LRRC4C: variants seen among roughly 807,000 people sequenced by gnomAD.
LRRC4C encodes the protein leucine-rich repeat-containing protein 4C.
LRRC4C carries 5 observed loss-of-function variants against 33.6 expected under a neutral mutation model. That is an observed-to-expected ratio of 0.15 (90% CI 0.08 to 0.31). The LOEUF (loss-of-function observed/expected upper bound fraction) is 0.31, where lower values mean the gene tolerates loss of function less well. Ranked by LOEUF, LRRC4C falls within the 10% of genes least tolerant of loss-of-function variation. LRRC4C has a pLI of 1.00. For synonymous variants in LRRC4C, 329 were observed against 302.0 expected, an observed-to-expected ratio of 1.09 and a Z score of -0.93; for missense variants, 560 against 796.7, an observed-to-expected ratio of 0.70 and a Z score of 3.58.
intron 1 of LRRC4C, among the ~76,000 whole-genome samples, chr11:41,333,655 G>A (rs1951363391): frequency 6.6e-6 from 1 of 152,118 alleles, no homozygotes; most frequent in Non-Finnish European, 1.5e-5. Flanking sequence ...AAGCAAGTGA[G>A]CTAAATGGCC....
chr11:40,765,752 A>C (rs1949419826), intron 2 of LRRC4C, among the ~76,000 whole-genome samples: 1 of 151,970 alleles, frequency 6.6e-6, no homozygotes, highest in African/African-American at 2.4e-5. Flanking sequence ...GCTGATCTTG[A>C]ATACAAGCCA....
intron 1 of LRRC4C, among the ~76,000 whole-genome samples, chr11:41,384,520 A>G (rs989416697): frequency 6.6e-6 from 1 of 151,476 alleles, no homozygotes; most frequent in African/African-American, 2.4e-5. Flanking sequence ...CATGCCAACA[A>G]GTTTGTCATT....
chr11:40,750,075 C>A (rs919487499), intron 2 of LRRC4C, among the ~76,000 whole-genome samples: 3 of 151,762 alleles, frequency 2.0e-5, no homozygotes, highest in African/African-American at 7.3e-5. Context: ...ACAAAAACTA[C>A]CTAGGCAGTA....
intron 2 of LRRC4C, among the ~76,000 whole-genome samples, chr11:40,814,758 A>G (rs2135414796): frequency 6.6e-6 from 1 of 152,074 alleles, no homozygotes; most frequent in South Asian, 2.1e-4. Context: ...TCTCTAGGGC[A>G]GGGGCAAAAT....
At chr11:41,054,913 G>A (rs1010287080) in intron 1 of LRRC4C, among the ~76,000 whole-genome samples, 2 of 152,094 alleles carry the variant, frequency 1.3e-5, no homozygotes, top group Non-Finnish European at 2.9e-5. Flanking sequence ...TCAGTTTTCT[G>A]TACACCGACT....
Position 40,121,786 on chromosome 11 carries a change from G to A in LRRC4C, c.-42-5452C>T, listed in dbSNP as rs77539856. Reference sequence around the variant, plus strand: ...TCATTGCTAAGTCATCATAGGCTTTGTCTAAACGTTAGAACTAGTTTGTAA... The same window carrying A: ...TCATTGCTAAGTCATCATAGGCTTTATCTAAACGTTAGAACTAGTTTGTAA... On this transcript the variant is annotated intron_variant, in intron 6 of 6. Transcript: ENST00000528697. Among the ~76,000 whole-genome samples, 118 of 152,304 alleles carry A rather than the reference G, an allele frequency of 7.7e-4. 1 individual carries two copies. Among genetic ancestry groups the A allele is most frequent in the African/African-American group, 2.7e-3 (114 of 41,570 alleles).
intron 2 of LRRC4C, among the ~76,000 whole-genome samples, chr11:40,912,841 G>C (rs967159971): frequency 6.6e-6 from 1 of 152,114 alleles, no homozygotes; most frequent in Non-Finnish European, 1.5e-5. Context: ...AAAATAAAGG[G>C]ATGGAGGAAG....
chr11:40,673,938 T>C (rs1452944603), intron 2 of LRRC4C, among the ~76,000 whole-genome samples: 1 of 152,170 alleles, frequency 6.6e-6, no homozygotes, highest in Non-Finnish European at 1.5e-5. Context: ...TCATGAACCA[T>C]CGCTTTCTTG....
intron 2 of LRRC4C, among the ~76,000 whole-genome samples, chr11:40,710,823 G>C (rs970961599): frequency 5.3e-5 from 8 of 152,214 alleles, no homozygotes; most frequent in African/African-American, 1.9e-4. Context: ...TACAGAGGCA[G>C]GCAGGCCTCG....
intron 1 of LRRC4C, among the ~76,000 whole-genome samples, chr11:41,102,824 G>A (rs1478186393): frequency 1.3e-5 from 2 of 151,950 alleles, no homozygotes; most frequent in Non-Finnish European, 2.9e-5. Flanking sequence ...TTAAGGCATA[G>A]GAACAAAGAA....
intron 1 of LRRC4C, among the ~76,000 whole-genome samples, chr11:41,174,984 T>G (rs1945136336): frequency 6.6e-6 from 1 of 152,114 alleles, no homozygotes; most frequent in South Asian, 2.1e-4. Context: ...ATTAATTTAA[T>G]TAATGCTTTT....
intron 2 of LRRC4C, among the ~76,000 whole-genome samples, chr11:40,883,121 G>T (rs949377226): frequency 3.3e-5 from 5 of 151,986 alleles, no homozygotes; most frequent in Admixed American, 3.3e-4. Context: ...CCCATGTCCT[G>T]TCATTAACTG....
At chr11:41,049,167 G>A (rs1858019179) in intron 1 of LRRC4C, among the ~76,000 whole-genome samples, 1 of 152,206 alleles carries the variant, frequency 6.6e-6, no homozygotes, top group Admixed American at 6.5e-5. Context: ...CCTGGTGAGA[G>A]ATAATTGAAA....
chr11:40,276,068 G>T (rs1943078755), intron 4 of LRRC4C, among the ~76,000 whole-genome samples: 1 of 152,178 alleles, frequency 6.6e-6, no homozygotes, highest in African/African-American at 2.4e-5. Context: ...GCTCTCTGGA[G>T]GAGATTTTGA....
chr11:41,040,833 T>A (rs1362890021), intron 1 of LRRC4C, among the ~76,000 whole-genome samples: 2 of 152,204 alleles, frequency 1.3e-5, no homozygotes, highest in East Asian at 1.9e-4. Flanking sequence ...ATTTAATGAC[T>A]CTTGAAGCTA....
intron 1 of LRRC4C, among the ~76,000 whole-genome samples, chr11:41,149,897 T>C (rs1943915805): frequency 6.6e-6 from 1 of 152,330 alleles, no homozygotes; most frequent in South Asian, 2.1e-4. Flanking sequence ...TTTCTCTGTG[T>C]CATCTTTTCA....
At chr11:40,853,193 G>T (rs896374486) in intron 2 of LRRC4C, among the ~76,000 whole-genome samples, 5 of 151,944 alleles carry the variant, frequency 3.3e-5, no homozygotes, top group Non-Finnish European at 7.4e-5. Context: ...AACACATTCT[G>T]TACAGTATAT....
chr11:40,468,557 C>T (rs1324353256), intron 3 of LRRC4C, among the ~76,000 whole-genome samples: 1 of 147,568 alleles, frequency 6.8e-6, no homozygotes, highest in Non-Finnish European at 1.5e-5. Context: ...GCTAGGTTGA[C>T]TTAAAATTAA....
chr11:41,034,284 G>A (rs1398110914), intron 1 of LRRC4C, among the ~76,000 whole-genome samples: 1 of 151,636 alleles, frequency 6.6e-6, no homozygotes, highest in Admixed American at 6.6e-5. Context: ...TTATTATGAA[G>A]CAAGAAAGTC....
Sources: allele counts gnomAD v4.1 joint callset (sites outside exome capture counted in the v4.1 genomes callset), GRCh38; gene constraint gnomAD v4.1.1; transcripts MANE v1.5; gene names NCBI Gene and HGNC (gene_info 2026-07-23, HGNC 2026-07-21).